TRPM6: variants seen among roughly 807,000 people sequenced by gnomAD.
TRPM6 encodes the protein channel kinase 2.
Under a neutral mutation model 247.6 loss-of-function variants are expected in TRPM6, and 111 were observed. That is an observed-to-expected ratio of 0.45 (90% confidence interval 0.38 to 0.52). TRPM6 has a LOEUF of 0.52. Ranked by LOEUF, TRPM6 falls within the 20% of genes least tolerant of loss-of-function variation. The pLI is 0.00. For synonymous variants in TRPM6, 892 were observed against 853.8 expected, an observed-to-expected ratio of 1.04 and a Z score of -0.78; for missense variants, 2,126 against 2,421.5, an observed-to-expected ratio of 0.88 and a Z score of 2.56.
chr9:74,812,253 T>G (rs1200857819), intron 12 of TRPM6, 46 bp downstream of exon 12: 1 of 1,611,340 alleles, frequency 6.2e-7, no homozygotes, highest in Admixed American at 1.7e-5. Flanking sequence ...ATCCTTGCTC[T>G]TCTTGAATCT....
intron 6 of TRPM6, among the ~76,000 whole-genome samples, chr9:74,831,818 G>A (rs1209051400): frequency 6.6e-6 from 1 of 152,184 alleles, no homozygotes; most frequent in Non-Finnish European, 1.5e-5. Flanking sequence ...AAAGAAAAGA[G>A]TCAAGCATTT....
intron 36 of TRPM6, 114 bp downstream of exon 36, chr9:74,738,293 A>T: frequency 9.7e-7 from 1 of 1,034,456 alleles, no homozygotes; most frequent in Non-Finnish European, 1.5e-6. Context: ...AAATGTGCCC[A>T]CCTCCCTTCA....
intron 9 of TRPM6, among the ~76,000 whole-genome samples, chr9:74,817,820 T>A (rs1587539748): frequency 6.6e-6 from 1 of 152,310 alleles, no homozygotes; most frequent in East Asian, 1.9e-4. Flanking sequence ...TAGAAGGAGC[T>A]ATTTTAATGA....
intron 12 of TRPM6, 96 bp from the exon 13 acceptor site, chr9:74,810,964 C>G (rs1452166082): frequency 7.3e-6 from 7 of 954,986 alleles, no homozygotes; most frequent in Non-Finnish European, 1.0e-5. Flanking sequence ...ACTGAGAATA[C>G]TGAAAATTGT....
intron 24 of TRPM6, among the ~76,000 whole-genome samples, chr9:74,774,865 C>T (rs78890952): frequency 0.1 from 15,792 of 152,290 alleles, 900 homozygotes; most frequent in South Asian, 0.23. Context: ...CATCAATTCT[C>T]ATCAGCCTTT....
chr9:74,761,179 G>A (rs575000786), intron 27 of TRPM6, among the ~76,000 whole-genome samples: 3 of 152,162 alleles, frequency 2.0e-5, no homozygotes, highest in African/African-American at 7.2e-5. Context: ...AAAATGTTAC[G>A]ATTACCTTGG....
chr9:74,882,095 T>C (rs769809066), intron 1 of TRPM6, among the ~76,000 whole-genome samples: 1 of 152,172 alleles, frequency 6.6e-6, no homozygotes, highest in Non-Finnish European at 1.5e-5. Flanking sequence ...ACTATAAAGA[T>C]ACTAGAAGAA....
chr9:74,819,390 T>A (rs1462406598), intron 9 of TRPM6, among the ~76,000 whole-genome samples: 1 of 151,960 alleles, frequency 6.6e-6, no homozygotes, highest in Non-Finnish European at 1.5e-5. Flanking sequence ...ATGCCTATAA[T>A]CCCAGCACTT....
At chr9:74,823,542 A>G (rs985628163) in intron 7 of TRPM6, among the ~76,000 whole-genome samples, 1 of 152,188 alleles carries the variant, frequency 6.6e-6, no homozygotes, top group African/African-American at 2.4e-5. Context: ...TTGCTTTGAC[A>G]TTCTACTCCT....
At chr9:74,806,220 A>T (rs1269389129) in intron 14 of TRPM6, among the ~76,000 whole-genome samples, 1 of 151,836 alleles carries the variant, frequency 6.6e-6, no homozygotes, top group East Asian at 1.9e-4. Flanking sequence ...TATGTTTAAA[A>T]TTTTCCATTA....
chr9:74,800,524 G>A lies in TRPM6; in HGVS notation c.2010-42C>T, dbSNP rs140382384. 4.0e-4 allele frequency: 531 copies of A among 1,337,838 alleles called. 3 individuals are homozygous for A. The African/African-American group carries it at 7.0e-3, about 18-fold the overall frequency. The allele number at this position is 1,337,838 out of a possible 1,614,324, so 82.9% of individuals were successfully genotyped here. On this transcript the variant is annotated intron_variant, in intron 16 of 38. Coordinates refer to ENST00000360774, the MANE Select transcript of TRPM6 (RefSeq NM_017662.5). Reference sequence around the variant, plus strand: ...CAATTAAGAAAACAAAGGCAGGTGAGAGAGCTGCATTATTAGAAACATTTT... The same window carrying A: ...CAATTAAGAAAACAAAGGCAGGTGAAAGAGCTGCATTATTAGAAACATTTT...
At chr9:74,852,164 T>G (rs1830343317) in intron 3 of TRPM6, among the ~76,000 whole-genome samples, 1 of 151,902 alleles carries the variant, frequency 6.6e-6, no homozygotes, top group Non-Finnish European at 1.5e-5. Context: ...TTTTTAATGA[T>G]AGTATTGCAA....
At position 74,785,177 on chromosome 9, in the gene TRPM6, A is replaced by T. The variant is rs1827601035; in HGVS notation, c.2919+697T>A. 2.6e-5 allele frequency among the ~76,000 whole-genome samples: 4 copies of T among 152,320 alleles called. 1 individual carries two copies. The South Asian group carries it at 8.3e-4, about 32-fold the overall frequency. On this transcript the variant is annotated intron_variant, in intron 21 of 38. Coordinates refer to ENST00000360774, the MANE Select transcript of TRPM6 (RefSeq NM_017662.5). ...CGGATATAAACGATGAAGAACCATT[A>T]AAAAGAAGCCAGGCGTGATGGTGCA...
intron 2 of TRPM6, 47 bp downstream of exon 2, chr9:74,858,622 A>C: frequency 8.2e-7 from 1 of 1,222,408 alleles, no homozygotes; most frequent in Non-Finnish European, 1.2e-6. Context: ...TAAATAGTCC[A>C]TCAGGTAGTG....
At position 74,724,537 on chromosome 9, in the gene TRPM6, C is replaced by T. The variant is rs1389467041; in HGVS notation, c.*76G>A. ...AAGGAGACGCTGATGTAATCAACAT[C>T]ACGTTGATCAATCTATGTTATCACA... is the stretch of plus-strand genomic sequence containing the variant. On this transcript the variant is annotated 3_prime_UTR_variant, in exon 39 of 39. Transcript: ENST00000360774. 6.3e-7 allele frequency: 1 copy of T among 1,590,462 alleles called. No homozygotes were observed. Among genetic ancestry groups the T allele is most frequent in the Admixed American group, 1.7e-5 (1 of 59,974 alleles).
At chr9:74,857,705 T>G (rs1267875994) in intron 2 of TRPM6, 1 of 152,198 alleles carries the variant, frequency 6.6e-6, no homozygotes, top group East Asian at 1.9e-4. Flanking sequence ...CATATTAAAA[T>G]TGGAATGATA....
rs146847379 is a variant in TRPM6 at position 74,851,671 on chromosome 9, C to G, written c.152+3856G>C. On this transcript the variant is annotated intron_variant, in intron 3 of 38. Coordinates refer to ENST00000360774, the MANE Select transcript of TRPM6 (RefSeq NM_017662.5). ...GGCTGAGGCACGAGAATCGCTTGAA[C>G]CTGGGAGGTGGAGGTTGTGGTGAGC... Among the ~76,000 whole-genome samples the G allele has an allele frequency of 5.5e-3, 826 of 151,262 alleles. 2 individuals carry two copies. The highest frequency in any genetic ancestry group is 9.8e-3 in the Non-Finnish European group (663 of 67,868).
intron 23 of TRPM6, among the ~76,000 whole-genome samples, chr9:74,780,213 A>G (rs975479681): frequency 1.3e-4 from 19 of 151,876 alleles, no homozygotes; most frequent in African/African-American, 4.6e-4. Flanking sequence ...CACACCTGTA[A>G]TCCCAGCACT....
intron 6 of TRPM6, 23 bp from the exon 7 acceptor site, chr9:74,827,972 G>A: frequency 6.2e-7 from 1 of 1,613,088 alleles, no homozygotes; most frequent in Non-Finnish European, 8.5e-7. Flanking sequence ...AAGGACAAGG[G>A]AGGGTCAGAG....
Sources: allele counts gnomAD v4.1 joint callset (sites outside exome capture counted in the v4.1 genomes callset), GRCh38; gene constraint gnomAD v4.1.1; transcripts MANE v1.5; gene names NCBI Gene and HGNC (gene_info 2026-07-23, HGNC 2026-07-21).